Variants in PCDHA8 observed in about 807,000 individuals in gnomAD.
The protein encoded by PCDHA8 is protocadherin alpha-8.
Under a neutral mutation model 61.8 loss-of-function variants are expected in PCDHA8, and 53 were observed. The ratio of observed to expected loss-of-function variants is 0.86; its 90% confidence interval spans 0.69 to 1.08. The LOEUF (loss-of-function observed/expected upper bound fraction) is 1.08. Among genes scored for constraint, PCDHA8 ranks in the 50% least tolerant of loss-of-function variants. The probability of loss-of-function intolerance (pLI) is 0.00; values close to 1 mark genes in which losing one functional copy is unlikely to be tolerated. For missense variants in PCDHA8, 1,293 were observed against 1,245.0 expected, an observed-to-expected ratio of 1.04 and a Z score of -0.58; for synonymous variants, 618 against 556.6, an observed-to-expected ratio of 1.11 and a Z score of -1.55.
chr5:140,935,157 A>G (rs982054485), intron 1 of PCDHA8, among the ~76,000 whole-genome samples: 1 of 152,214 alleles, frequency 6.6e-6, no homozygotes, highest in Non-Finnish European at 1.5e-5. Context: ...TATAATCTCA[A>G]CAACAGGTGT....
rs782673373 is a variant in PCDHA8 at position 140,858,110 on chromosome 5, G to T, written c.2394+14395G>T. The T allele has an allele frequency of 6.9e-6, 11 of 1,597,760 alleles. No homozygotes were observed. The East Asian group carries it at 2.2e-4, about 32-fold the overall frequency. ...GCGGGCTTCAGTGGGCGTGGCGCCC[G>T]AGGTGGCCCTGGTGGATGTCAACGT... On this transcript the variant is annotated intron_variant, in intron 1 of 3. Coordinates refer to ENST00000531613, the MANE Select transcript of PCDHA8 (RefSeq NM_018911.3).
At chr5:140,868,946 G>A in intron 1 of PCDHA8, 1 of 1,292,214 alleles carries the variant, frequency 7.7e-7, no homozygotes, top group Middle Eastern at 2.5e-4. Flanking sequence ...TCTGAACAGT[G>A]AGGCACTCCC....
chr5:140,875,172 C>A (rs999085761), intron 1 of PCDHA8: 1 of 386,866 alleles, frequency 2.6e-6, no homozygotes. Context: ...AAAGTCGAAA[C>A]ATTAGAATTA....
At chr5:140,872,638 G>A (rs1429990038) in intron 1 of PCDHA8, among the ~76,000 whole-genome samples, 2 of 152,092 alleles carry the variant, frequency 1.3e-5, no homozygotes, top group Admixed American at 1.3e-4. Flanking sequence ...TTTGTTCCAT[G>A]AAAAGGCAAG....
Position 140,841,877 on chromosome 5 carries a change from A to G in PCDHA8, c.556A>G (p.Asn186Asp), listed in dbSNP as rs2150324611. Residue 186 changes from asparagine to aspartate, a missense_variant, in exon 1 of 4, where the codon AAC becomes GAC. Physicochemically the swap from Asn to Asp is conservative, Grantham distance 23. Coordinates refer to ENST00000531613, the MANE Select transcript of PCDHA8 (RefSeq NM_018911.3). ...CTTCATGCTAGATGTGAATTCAAAG[A>G]ACGATGAGAATAAACTGGTTGAGCT... ...DYFMLDVNSK[N>D]DENKLVELVL... is the part of the protein sequence containing the mutation. The G allele has an allele frequency of 6.2e-7, 1 of 1,613,820 alleles. No homozygotes were observed.
intron 1 of PCDHA8, chr5:140,883,877 G>A: frequency 1.2e-6 from 2 of 1,613,254 alleles, no homozygotes; most frequent in Non-Finnish European, 1.7e-6. Flanking sequence ...CCAGGTGAGC[G>A]CGCGCGACTC....
intron 1 of PCDHA8, chr5:140,850,726 CG>C: frequency 6.3e-7 from 1 of 1,597,804 alleles, no homozygotes; most frequent in Non-Finnish European, 8.6e-7. Context: ...TGTTCTAGCG[CG>C]GTGGGGAGTT....
intron 1 of PCDHA8, chr5:140,848,913 C>A (rs2150424583): frequency 6.2e-7 from 1 of 1,608,160 alleles, no homozygotes; most frequent in South Asian, 1.1e-5. Flanking sequence ...ACAAAAGAAT[C>A]TGTTCATCGC....
intron 1 of PCDHA8, chr5:140,875,436 A>G (rs782083459): frequency 6.4e-7 from 1 of 1,564,660 alleles, no homozygotes; most frequent in Non-Finnish European, 8.6e-7. Flanking sequence ...ATCCCTTAAA[A>G]CTGATTGTCC....
intron 1 of PCDHA8, chr5:140,850,281 G>A: frequency 6.3e-7 from 1 of 1,595,580 alleles, no homozygotes. Context: ...GAAGGTGCGC[G>A]CAGTGGACGC....
chr5:141,000,395 CTATA>C (rs1190667031), intron 3 of PCDHA8, among the ~76,000 whole-genome samples: 54 of 53,974 alleles, frequency 1.0e-3, no homozygotes, highest in East Asian at 2.4e-3. Context: ...CTCTCTCTCT[CTATA>C]TATATATATA....
intron 3 of PCDHA8, among the ~76,000 whole-genome samples, chr5:140,985,795 A>G (rs2097171299): frequency 7.3e-6 from 1 of 136,386 alleles, no homozygotes; most frequent in African/African-American, 2.8e-5. Context: ...GCTGGAGTGC[A>G]GTGGCACGAT....
Position 140,929,272 on chromosome 5 carries a change from T to G in PCDHA8, c.2395-49677T>G, listed in dbSNP as rs560527071. Reference sequence around the variant, plus strand: ...TGGGGTAGGACTGAATTTGCCAATATCCTGTATTCAGATTCGGAATAGGAA... The same window carrying G: ...TGGGGTAGGACTGAATTTGCCAATAGCCTGTATTCAGATTCGGAATAGGAA... On this transcript the variant is annotated intron_variant, in intron 1 of 3. Transcript: ENST00000531613. The G allele has an allele frequency of 1.3e-4, 206 of 1,607,152 alleles. 1 individual carries two copies. The South Asian group carries it at 2.1e-3, about 17-fold the overall frequency.
intron 3 of PCDHA8, among the ~76,000 whole-genome samples, chr5:140,996,297 T>TGTAACAAAGTAAGGGG (rs2097720569): frequency 6.6e-6 from 1 of 152,196 alleles, no homozygotes; most frequent in Non-Finnish European, 1.5e-5. Context: ...AAGCACAGAT[T>TGTAACAAAGTAAGGGG]GTAACAAAGT....
At chr5:140,850,233 A>G in intron 1 of PCDHA8, 1 of 1,593,908 alleles carries the variant, frequency 6.3e-7, no homozygotes, top group Non-Finnish European at 8.6e-7. Context: ...AGTGAGCGAG[A>G]TGGTGCTGCG....
At chr5:140,869,628 T>A (rs1562631338) in intron 1 of PCDHA8, 1 of 1,613,700 alleles carries the variant, frequency 6.2e-7, no homozygotes. Flanking sequence ...TAAGTAAAAA[T>A]GAGTATTTTT....
At chr5:140,936,347 G>A (rs2090928614) in intron 1 of PCDHA8, among the ~76,000 whole-genome samples, 1 of 152,066 alleles carries the variant, frequency 6.6e-6, no homozygotes, top group South Asian at 2.1e-4. Flanking sequence ...CTGCATATAT[G>A]GAATGTGTAG....
chr5:140,994,249 G>A (rs17119346), intron 3 of PCDHA8, among the ~76,000 whole-genome samples: 45,238 of 152,008 alleles, frequency 0.3, 6,962 homozygotes, highest in East Asian at 0.43. Flanking sequence ...CAAACCCTAG[G>A]TAAATAAGGT....
chr5:140,909,171 T>C (rs2074353484), intron 1 of PCDHA8, among the ~76,000 whole-genome samples: 1 of 152,208 alleles, frequency 6.6e-6, no homozygotes, highest in Non-Finnish European at 1.5e-5. Flanking sequence ...ATCAATCAAG[T>C]TCTCTCCAAA....
Sources: gnomAD v4.1 joint callset for allele counts (sites outside exome capture counted in the v4.1 genomes callset) on GRCh38, gnomAD v4.1.1 for gene constraint, MANE v1.5 for transcripts, NCBI Gene and HGNC (gene_info 2026-07-23, HGNC 2026-07-21) for gene names.